The following FAM209A variants were observed in gnomAD, a reference collection of about 807,000 sequenced individuals.
The protein encoded by FAM209A is protein FAM209A.
In FAM209A, 4 loss-of-function variants were observed where a neutral mutation model predicts 9.8. The observed-to-expected ratio is 0.41, with a 90% confidence interval of 0.20 to 0.94. The LOEUF (loss-of-function observed/expected upper bound fraction) is 0.94. Ranked by LOEUF, FAM209A falls within the 40% of genes least tolerant of loss-of-function variation. The pLI is 0.32. For missense variants in FAM209A, 205 were observed against 209.4 expected (o/e 0.98, Z 0.13); for synonymous variants, 55 against 77.8 (o/e 0.71, Z 1.54).
the FAM209A span, chr20:56,533,215 G>A: frequency 6.5e-7 from 1 of 1,544,600 alleles, no homozygotes; most frequent in Non-Finnish European, 8.7e-7. Flanking sequence ...TCATCACAAT[G>A]GCCAGGGTGG....
At chr20:56,530,480 C>T (rs1985704700), downstream of FAM209A, among the ~76,000 whole-genome samples, 1 of 151,948 alleles carries the variant, frequency 6.6e-6, no homozygotes, top group African/African-American at 2.4e-5. Context: ...TCTTTTTCCC[C>T]TAGACTGCTC....
Position 56,525,823 on chromosome 20 carries a change from T to G in FAM209A, c.269T>G (p.Leu90Arg). The G allele has an allele frequency of 1.2e-6, 2 of 1,614,108 alleles. No individual in the cohort carries two copies. The highest frequency in any genetic ancestry group is 1.7e-6 in the Non-Finnish European group (2 of 1,180,012). Residue 90 changes from leucine (L) to arginine (R), a missense_variant, in exon 2 of 2, where the codon CTT (leucine) becomes CGT (arginine). Leu to Arg is a moderately radical substitution (Grantham distance 102, BLOSUM62 -2). Transcript: ENST00000371328. ...EKNKEQSPPGLRGGQLHSPLK... is the reference protein window; with the variant it reads ...EKNKEQSPPGRRGGQLHSPLK... ...TGACAGGAGCAGAGTCCTCCTGGCCTTCGAGGCGGCCAACTTCACTCTCCA... is the reference window on the plus strand; with the variant it reads ...TGACAGGAGCAGAGTCCTCCTGGCCGTCGAGGCGGCCAACTTCACTCTCCA...
At position 56,526,053 on chromosome 20, in the gene FAM209A, G is replaced by A. The variant is rs770172180; in HGVS notation, c.499G>A (p.Glu167Lys). The change falls in exon 2 of 2, where the codon GAA becomes AAA. Residue 167 changes from glutamate to lysine, a missense_variant. Transcript: ENST00000371328. ...YHVTICEIWG[E>K]ESSS is the part of the protein sequence containing the mutation. ...TGTCACGATCTGTGAAATATGGGGA[G>A]AAGAAAGCTCTAGCTGAATGGATTT... 1.9e-6 allele frequency: 3 copies of A among 1,604,668 alleles called. No individual in the cohort carries two copies. The highest frequency in any genetic ancestry group is 2.2e-5 in the South Asian group (2 of 89,450).
At chr20:56,526,945 C>T (rs1257975639), downstream of FAM209A, among the ~76,000 whole-genome samples, 1 of 152,158 alleles carries the variant, frequency 6.6e-6, no homozygotes, top group African/African-American at 2.4e-5. Context: ...TTCATTCATC[C>T]TATGCCATTG....
intron 1 of FAM209A, 42 bp from the exon 2 acceptor site, chr20:56,525,762 A>G: frequency 6.3e-7 from 1 of 1,591,798 alleles, no homozygotes; most frequent in African/African-American, 1.4e-5. Context: ...CAAAACCAAC[A>G]AAGTTCACAA....
At chr20:56,533,064 G>A in the FAM209A span, 1 of 761,638 alleles carries the variant, frequency 1.3e-6, no homozygotes. Context: ...AAAGCTCGAG[G>A]GTTGGAAAGA....
At chr20:56,530,234 A>G (rs1420877865), downstream of FAM209A, among the ~76,000 whole-genome samples, 1 of 150,438 alleles carries the variant, frequency 6.6e-6, no homozygotes, top group African/African-American at 2.4e-5. Flanking sequence ...GGCAAGGAGC[A>G]GGAATGGAGG....
chr20:56,529,447 G>T (rs1300174545), downstream of FAM209A, among the ~76,000 whole-genome samples: 1 of 152,086 alleles, frequency 6.6e-6, no homozygotes, highest in Non-Finnish European at 1.5e-5. Flanking sequence ...AACCCTGGAG[G>T]CGGAGGCTGC....
In FAM209A at chr20:56,524,918, A is replaced by T; in HGVS notation, c.110A>T (p.Gln37Leu). The T allele has an allele frequency of 6.3e-7, 1 of 1,582,488 alleles. No individual in the cohort carries two copies. The highest frequency in any genetic ancestry group is 8.7e-7 in the Non-Finnish European group (1 of 1,155,250). The change falls in exon 1 of 2, where the codon CAA (glutamine) becomes CTA (leucine). Residue 37 changes from glutamine (Q) to leucine (L), a missense_variant. By Grantham distance (113) the Gln-to-Leu change is moderately radical. Coordinates refer to ENST00000371328, the MANE Select transcript of FAM209A (RefSeq NM_001012971.4). ...QKTSEPQGKV[Q>L]YGEHFRIRQN... ...ACTAGCGAACCCCAGGGGAAGGTGC[A>T]ATACGGAGAGCACTTTCGGATTCGG... is the stretch of plus-strand genomic sequence containing the variant.
the FAM209A span, among the ~76,000 whole-genome samples, chr20:56,532,784 G>A: frequency 4.6e-5 from 7 of 151,994 alleles, no homozygotes; most frequent in South Asian, 6.2e-4. Flanking sequence ...GCCCGGCCAC[G>A]CTCTCATATT....
the FAM209A span, among the ~76,000 whole-genome samples, chr20:56,531,823 G>A: frequency 1.3e-5 from 2 of 150,914 alleles, no homozygotes; most frequent in South Asian, 2.1e-4. Flanking sequence ...ATGGGGTCTC[G>A]CTATGTTAGC....
chr20:56,527,944 C>A (rs891604955), downstream of FAM209A, among the ~76,000 whole-genome samples: 3 of 151,948 alleles, frequency 2.0e-5, no homozygotes, highest in African/African-American at 4.8e-5. Context: ...CCGTCTCTAT[C>A]AAAAATACAA....
chr20:56,526,729 T>G (rs2146397064), downstream of FAM209A, among the ~76,000 whole-genome samples: 1 of 150,422 alleles, frequency 6.6e-6, no homozygotes, highest in Admixed American at 6.6e-5. Context: ...ACCGCTGCAC[T>G]CCAGCCTGGG....
chr20:56,529,930 A>G (rs1985684642), downstream of FAM209A, among the ~76,000 whole-genome samples: 2 of 152,228 alleles, frequency 1.3e-5, no homozygotes, highest in Non-Finnish European at 2.9e-5. Context: ...CTGAGGAGTG[A>G]GAATCACTTG....
chr20:56,526,942 A>G (rs1016270723), downstream of FAM209A, among the ~76,000 whole-genome samples: 31 of 152,302 alleles, frequency 2.0e-4, no homozygotes, highest in African/African-American at 7.5e-4. Flanking sequence ...AAATTCATTC[A>G]TCCTATGCCA....
chr20:56,533,474 C>A, the FAM209A span: 1 of 1,614,118 alleles, frequency 6.2e-7, no homozygotes, highest in Non-Finnish European at 8.5e-7. Flanking sequence ...CTTTCGGATT[C>A]GGCAGAACCT....
At chr20:56,530,774 G>T (rs1010758599), downstream of FAM209A, among the ~76,000 whole-genome samples, 1 of 151,550 alleles carries the variant, frequency 6.6e-6, no homozygotes, top group Non-Finnish European at 1.5e-5. Context: ...TTCCCAAAGT[G>T]CTGGGATTAC....
downstream of FAM209A, among the ~76,000 whole-genome samples, chr20:56,530,519 A>G (rs1419895305): frequency 1.3e-5 from 2 of 151,882 alleles, no homozygotes; most frequent in African/African-American, 4.8e-5. Context: ...TTTTTTAGAG[A>G]CAGAGTCTTG....
chr20:56,529,500 G>A (rs1027507146), downstream of FAM209A, among the ~76,000 whole-genome samples: 21 of 151,890 alleles, frequency 1.4e-4, no homozygotes, highest in Admixed American at 9.9e-4. Context: ...GGGTGACAGA[G>A]TGAGACTCCA....
Sources: allele counts gnomAD v4.1 joint callset (sites outside exome capture counted in the v4.1 genomes callset), GRCh38; gene constraint gnomAD v4.1.1; transcripts MANE v1.5; gene names NCBI Gene and HGNC (gene_info 2026-07-23, HGNC 2026-07-21).